Variants in CCR5AS observed in about 807,000 individuals in gnomAD.
CCR5AS encodes CCR5 antisense RNA.
At chr3:46,373,956 T>C (rs1312722843) in intron 2 of CCR5AS, 3 of 1,555,822 alleles carry the variant, frequency 1.9e-6, no homozygotes, top group East Asian at 2.3e-5. Flanking sequence ...ATCTGTGGGC[T>C]TGTGACACGG....
intron 3 of CCR5AS, among the ~76,000 whole-genome samples, chr3:46,369,887 G>T (rs1170331171): frequency 6.6e-6 from 1 of 152,130 alleles, no homozygotes; most frequent in Non-Finnish European, 1.5e-5. Context: ...ACGTAATTTT[G>T]CTGTTTGGGG....
At chr3:46,386,400 T>G (rs113892424) in intron 2 of CCR5AS, among the ~76,000 whole-genome samples, 8,642 of 152,236 alleles carry the variant, frequency 0.057, 811 homozygotes, top group African/African-American at 0.2. Context: ...TGATCAGACT[T>G]GCTTTTTCAG....
intron 2 of CCR5AS, chr3:46,372,880 A>G (rs759473231): frequency 6.6e-7 from 1 of 1,525,048 alleles, no homozygotes; most frequent in East Asian, 2.3e-5. Context: ...ATCACTTTTT[A>G]TTTATGCACA....
chr3:46,372,256 C>T (rs1701672290), intron 2 of CCR5AS, among the ~76,000 whole-genome samples: 1 of 152,098 alleles, frequency 6.6e-6, no homozygotes, highest in African/African-American at 2.4e-5. Context: ...TGCAGCCGGG[C>T]ATGGTGGCTC....
chr3:46,398,498 T>C (rs1039905867), intron 1 of CCR5AS, among the ~76,000 whole-genome samples: 3 of 152,166 alleles, frequency 2.0e-5, no homozygotes, highest in Non-Finnish European at 4.4e-5. Context: ...ATTAAAATTG[T>C]TTTTATAAAA....
intron 2 of CCR5AS, among the ~76,000 whole-genome samples, chr3:46,388,393 T>C (rs1701880691): frequency 6.6e-6 from 1 of 152,138 alleles, no homozygotes; most frequent in South Asian, 2.1e-4. Context: ...CAGTTTTGTA[T>C]GAATTGAGAA....
intron 2 of CCR5AS, among the ~76,000 whole-genome samples, chr3:46,383,062 C>T (rs1296663031): frequency 1.3e-5 from 2 of 152,182 alleles, no homozygotes; most frequent in Non-Finnish European, 2.9e-5. Flanking sequence ...TTAGGATGTG[C>T]TCCCCCAAAC....
At chr3:46,377,032 G>C (rs1013133300) in intron 2 of CCR5AS, among the ~76,000 whole-genome samples, 3 of 152,140 alleles carry the variant, frequency 2.0e-5, no homozygotes, top group African/African-American at 7.2e-5. Context: ...GCAGGAGGGG[G>C]CTGGGGTTAG....
At chr3:46,373,318 C>A in intron 2 of CCR5AS, 3 of 1,614,156 alleles carry the variant, frequency 1.9e-6, no homozygotes, top group Non-Finnish European at 2.5e-6. Context: ...GCTTTAAAAG[C>A]CAGGACGGTC....
At chr3:46,372,871 T>C in intron 2 of CCR5AS, 1 of 1,502,870 alleles carries the variant, frequency 6.7e-7, no homozygotes, top group Non-Finnish European at 9.0e-7. Context: ...TTATAAAAGA[T>C]CACTTTTTAT....
intron 2 of CCR5AS, chr3:46,375,428 A>T (rs1701740890): frequency 6.0e-6 from 1 of 167,032 alleles, no homozygotes; most frequent in Admixed American, 6.5e-5. Context: ...TTAGTTACTC[A>T]TTCAGGGATA....
chr3:46,385,757 T>C (rs1701855435), intron 2 of CCR5AS, among the ~76,000 whole-genome samples: 1 of 151,976 alleles, frequency 6.6e-6, no homozygotes, highest in East Asian at 1.9e-4. Flanking sequence ...TTATTTATTT[T>C]TTAGATGGAG....
In CCR5AS at chr3:46,373,617, A is replaced by G. The variant is rs1575279854; in HGVS notation, n.392-2200T>C. On this transcript the variant is annotated intron_variant and non_coding_transcript_variant, in intron 2 of 3. Transcript: ENST00000451485. ...GCACAGGGCTGTGAGGCTTATCTTCACCATCATGATTGTTTATTTTCTCTT... is the reference window on the plus strand; with the variant it reads ...GCACAGGGCTGTGAGGCTTATCTTCGCCATCATGATTGTTTATTTTCTCTT... 1.2e-6 allele frequency: 2 copies of G among 1,614,020 alleles called. No homozygotes were observed. The highest frequency in any genetic ancestry group is 1.6e-4 in the Middle Eastern group (1 of 6,062).
intron 1 of CCR5AS, among the ~76,000 whole-genome samples, chr3:46,393,460 C>CAAAAAAA (rs35762544): frequency 9.6e-6 from 1 of 103,944 alleles, no homozygotes; most frequent in South Asian, 3.2e-4. Flanking sequence ...AACAGAGCCA[C>CAAAAAAA]AAAAAAAAAA....
chr3:46,391,397 T>C (rs145753204), intron 2 of CCR5AS, among the ~76,000 whole-genome samples: 2 of 152,086 alleles, frequency 1.3e-5, no homozygotes, highest in Non-Finnish European at 2.9e-5. Flanking sequence ...AATCCTGTTG[T>C]GGGGTTTGAG....
rs556110289 is a variant in CCR5AS, at chr3:46,379,927, A to G, written n.392-8510T>C. On this transcript the variant is annotated intron_variant and non_coding_transcript_variant, in intron 2 of 3. Transcript: ENST00000451485. ...AAATAAATAAATAAATAAATAAATA[A>G]ATAAATAAATAGTAAATGCACTGCT... Among the ~76,000 whole-genome samples the G allele has an allele frequency of 1.3e-3, 204 of 151,820 alleles. 8 individuals are homozygous for G. The South Asian group carries it at 0.041, about 31-fold the overall frequency.
chr3:46,368,748 T>G (rs962470291), intron 3 of CCR5AS, among the ~76,000 whole-genome samples: 1 of 152,212 alleles, frequency 6.6e-6, no homozygotes, highest in African/African-American at 2.4e-5. Flanking sequence ...ACACAGCAAG[T>G]CAGCAGCACA....
chr3:46,400,159 A>G (rs1044471766), intron 1 of CCR5AS, among the ~76,000 whole-genome samples: 2 of 151,858 alleles, frequency 1.3e-5, no homozygotes, highest in Non-Finnish European at 2.9e-5. Flanking sequence ...TCCCAGCTAT[A>G]TTTTGTACAT....
chr3:46,368,271 G>A (rs1397775978), intron 3 of CCR5AS, among the ~76,000 whole-genome samples: 1 of 152,176 alleles, frequency 6.6e-6, no homozygotes, highest in African/African-American at 2.4e-5. Flanking sequence ...CATTTCCTAT[G>A]GGGTGTCCGA....
Sources: gnomAD v4.1 joint callset for allele counts (sites outside exome capture counted in the v4.1 genomes callset) on GRCh38, gnomAD v4.1.1 for gene constraint, MANE v1.5 for transcripts, NCBI Gene and HGNC (gene_info 2026-07-23, HGNC 2026-07-21) for gene names.